STK3: variants seen among roughly 807,000 people sequenced by gnomAD.
STK3 encodes the protein serine/threonine kinase 3.
In STK3, 41 loss-of-function variants were observed where a neutral mutation model predicts 58.0. The observed-to-expected ratio is 0.71, with a 90% confidence interval of 0.55 to 0.92. The LOEUF (loss-of-function observed/expected upper bound fraction) is 0.92. STK3 is among the 40% of genes least tolerant of loss of function. The pLI, the probability that STK3 is intolerant of heterozygous loss-of-function variation, is 0.00. For missense variants in STK3, 479 were observed against 602.7 expected (o/e 0.79, Z 2.15); for synonymous variants, 170 against 191.0 (o/e 0.89, Z 0.91).
intron 6 of STK3, among the ~76,000 whole-genome samples, chr8:98,684,895 TAGAAC>T (rs1823880041): frequency 6.6e-6 from 1 of 152,198 alleles, no homozygotes; most frequent in Admixed American, 6.6e-5. Flanking sequence ...AATACTGTGA[TAGAAC>T]AGAAGTCAGA....
At chr8:98,841,355 T>C (rs192511566) in intron 3 of STK3, among the ~76,000 whole-genome samples, 4 of 152,278 alleles carry the variant, frequency 2.6e-5, no homozygotes, top group Middle Eastern at 3.4e-3. Context: ...ATCAAACAAT[T>C]GATGTACAAT....
intron 7 of STK3, among the ~76,000 whole-genome samples, chr8:98,592,909 G>A (rs1467198365): frequency 6.6e-6 from 1 of 151,992 alleles, no homozygotes; most frequent in Non-Finnish European, 1.5e-5. Context: ...GACTACAGAC[G>A]TGCACCACCA....
At chr8:98,356,850 T>C in the STK3 span, among the ~76,000 whole-genome samples, 36 of 152,340 alleles carry the variant, frequency 2.4e-4, no homozygotes, top group East Asian at 6.9e-3. Flanking sequence ...CATCCAGAGC[T>C]GTCTGTTTTA....
intron 1 of STK3, among the ~76,000 whole-genome samples, chr8:98,927,365 G>A (rs1839838598): frequency 6.6e-6 from 1 of 152,136 alleles, no homozygotes; most frequent in Non-Finnish European, 1.5e-5. Flanking sequence ...AGTGCAAAAG[G>A]GTGGGACTAT....
At position 98,771,320 on chromosome 8, in the gene STK3, G is replaced by A. The variant is rs957779128; in HGVS notation, c.107+3419C>T. ...AAAGGTCACTGTACAGACATATCACGTTTTGTTTATTCACCTGGGATAGCA... is the reference window on the plus strand; with the variant it reads ...AAAGGTCACTGTACAGACATATCACATTTTGTTTATTCACCTGGGATAGCA... On this transcript the variant is annotated intron_variant, in intron 2 of 10. Coordinates refer to ENST00000419617, the MANE Select transcript of STK3 (RefSeq NM_006281.4). Among the ~76,000 whole-genome samples, 7 of 152,248 alleles carry A rather than the reference G, an allele frequency of 4.6e-5. No individual in the cohort carries two copies. In the East Asian group the frequency reaches 5.8e-4, roughly 13 times the overall value.
At chr8:98,927,251 G>T (rs367653563) in intron 1 of STK3, among the ~76,000 whole-genome samples, 1 of 152,166 alleles carries the variant, frequency 6.6e-6, no homozygotes, top group Non-Finnish European at 1.5e-5. Flanking sequence ...TCTTGTTCAG[G>T]GTTGGACCAT....
intron 6 of STK3, among the ~76,000 whole-genome samples, chr8:98,634,689 A>G (rs971743981): frequency 6.6e-6 from 1 of 152,180 alleles, no homozygotes; most frequent in Non-Finnish European, 1.5e-5. Flanking sequence ...ATAGTAAAGA[A>G]AATTATATAA....
chr8:98,708,093 C>G (rs1349897785), intron 4 of STK3, among the ~76,000 whole-genome samples: 1 of 150,920 alleles, frequency 6.6e-6, no homozygotes, highest in Non-Finnish European at 1.5e-5. Flanking sequence ...GAGCTGAGAT[C>G]ACATCACTGC....
intron 9 of STK3, among the ~76,000 whole-genome samples, chr8:98,542,662 G>A (rs1279995377): frequency 1.3e-5 from 2 of 152,172 alleles, no homozygotes; most frequent in Non-Finnish European, 2.9e-5. Context: ...AATGCCCAGG[G>A]CTTCCCGGAT....
At chr8:98,667,484 A>G (rs1051813130) in intron 6 of STK3, among the ~76,000 whole-genome samples, 6 of 152,186 alleles carry the variant, frequency 3.9e-5, no homozygotes, top group African/African-American at 1.4e-4. Flanking sequence ...ATTTTATAAC[A>G]AGAAAAGGAT....
rs556760976 is a variant in STK3, at chr8:98,402,140, G to A, written n.484-627C>T. On this transcript the variant is annotated intron_variant and non_coding_transcript_variant, in intron 3 of 3. Coordinates refer to the STK3 transcript ENST00000517832. ...TTACCATTTATTTAGCACTTACTAA[G>A]TACTTAGCAATTATATAAAGGTAGC... 5.3e-5 allele frequency among the ~76,000 whole-genome samples: 8 copies of A among 152,220 alleles called. No individual in the cohort carries two copies. The East Asian group carries it at 7.7e-4, about 15-fold the overall frequency.
chr8:98,853,054 T>C (rs1273098683), intron 3 of STK3, among the ~76,000 whole-genome samples: 2 of 152,086 alleles, frequency 1.3e-5, no homozygotes, highest in Admixed American at 1.3e-4. Context: ...TAATTGTGCA[T>C]TGTTTGGTAT....
intron 3 of STK3, among the ~76,000 whole-genome samples, chr8:98,421,720 G>A (rs1818175668): frequency 6.6e-6 from 1 of 152,122 alleles, no homozygotes; most frequent in Non-Finnish European, 1.5e-5. Context: ...AGGTTGCAGT[G>A]AGCCAAGATC....
chr8:98,656,545 A>G (rs1404788493), intron 6 of STK3, among the ~76,000 whole-genome samples: 3 of 152,032 alleles, frequency 2.0e-5, no homozygotes, highest in African/African-American at 7.2e-5. Flanking sequence ...AAGGCTGTTG[A>G]ATTTTATTCA....
At chr8:98,407,770 G>GCT (rs1818012660) in intron 3 of STK3, among the ~76,000 whole-genome samples, 1 of 150,402 alleles carries the variant, frequency 6.6e-6, no homozygotes, top group African/African-American at 2.5e-5. Flanking sequence ...GCGCGCGCGC[G>GCT]CATGCATGGT....
chr8:98,482,491 G>A (rs1322429232), intron 10 of STK3, among the ~76,000 whole-genome samples: 1 of 152,162 alleles, frequency 6.6e-6, no homozygotes, highest in African/African-American at 2.4e-5. Flanking sequence ...ATGCCAGGAT[G>A]GATAAAGACA....
At chr8:98,415,554 A>C (rs985282636) in intron 3 of STK3, among the ~76,000 whole-genome samples, 1 of 152,144 alleles carries the variant, frequency 6.6e-6, no homozygotes, top group Non-Finnish European at 1.5e-5. Context: ...CCACTCATGG[A>C]TGTGCCTGCA....
intron 3 of STK3, among the ~76,000 whole-genome samples, chr8:98,859,347 G>A (rs1300164098): frequency 6.6e-6 from 1 of 152,198 alleles, no homozygotes. Context: ...GGAGTGAGAT[G>A]TCAAAATGAC....
At chr8:98,939,443 T>C (rs756378832) in intron 1 of STK3, among the ~76,000 whole-genome samples, 2 of 152,248 alleles carry the variant, frequency 1.3e-5, no homozygotes, top group African/African-American at 4.8e-5. Context: ...ATGATGCGAA[T>C]GCTGTTGGAC....
Sources: gnomAD v4.1 joint callset for allele counts (sites outside exome capture counted in the v4.1 genomes callset) on GRCh38, gnomAD v4.1.1 for gene constraint, MANE v1.5 for transcripts, NCBI Gene and HGNC (gene_info 2026-07-23, HGNC 2026-07-21) for gene names.